The following THRB variants were observed in gnomAD, a reference collection of about 807,000 sequenced individuals.
The protein encoded by THRB is nuclear receptor subfamily 1 group A member 2.
Under a neutral mutation model 47.8 loss-of-function variants are expected in THRB, and 12 were observed. The observed-to-expected ratio is 0.25, with a 90% CI of 0.16 to 0.41. THRB has a LOEUF of 0.41. Among genes scored for constraint, THRB ranks in the 10% least tolerant of loss-of-function variants. THRB has a pLI of 1.00. For synonymous variants in THRB, 218 were observed against 212.2 expected (o/e 1.03, Z -0.24); for missense variants, 348 against 589.2 (o/e 0.59, Z 4.24).
chr3:24,257,610 AT>A (rs1349662384), intron 3 of THRB, among the ~76,000 whole-genome samples: 4 of 152,190 alleles, frequency 2.6e-5, no homozygotes, highest in African/African-American at 4.8e-5. Flanking sequence ...GCCAAATAGT[AT>A]TTTTTGCAAT....
intron 3 of THRB, among the ~76,000 whole-genome samples, chr3:24,242,259 C>A (rs1182292925): frequency 6.6e-6 from 1 of 152,290 alleles, no homozygotes; most frequent in East Asian, 1.9e-4. Context: ...ATGTCTGTTT[C>A]CTGCTGGGAG....
intron 3 of THRB, among the ~76,000 whole-genome samples, chr3:24,237,550 C>T (rs2048997007): frequency 6.6e-6 from 1 of 152,150 alleles, no homozygotes; most frequent in South Asian, 2.1e-4. Flanking sequence ...CCTTCCTCTT[C>T]CCCTCTCCTT....
At chr3:24,141,995 G>A (rs1349332749) in intron 8 of THRB, among the ~76,000 whole-genome samples, 2 of 152,206 alleles carry the variant, frequency 1.3e-5, no homozygotes, top group South Asian at 2.1e-4. Flanking sequence ...ATATACCAGG[G>A]TGGGGTGAAG....
chr3:24,183,368 C>CTTTTTTT (rs1193344905), intron 5 of THRB, among the ~76,000 whole-genome samples: 19 of 84,234 alleles, frequency 2.3e-4, no homozygotes, highest in African/African-American at 7.5e-4. Flanking sequence ...TTTTTCTTTT[C>CTTTTTTT]TTTTTTTTTT....
chr3:24,411,969 C>T (rs1011895291), intron 1 of THRB, among the ~76,000 whole-genome samples: 9 of 151,670 alleles, frequency 5.9e-5, no homozygotes, highest in Non-Finnish European at 1.3e-4. Flanking sequence ...TGTGTCAAAT[C>T]AAGTTTTCAG....
At chr3:24,284,191 C>T (rs1576542176) in intron 3 of THRB, among the ~76,000 whole-genome samples, 1 of 150,162 alleles carries the variant, frequency 6.7e-6, no homozygotes, top group South Asian at 2.1e-4. Flanking sequence ...TACTACAAGG[C>T]TACAGTAACC....
chr3:24,308,953 A>T (rs1390186032), intron 2 of THRB, among the ~76,000 whole-genome samples: 1 of 152,130 alleles, frequency 6.6e-6, no homozygotes, highest in Non-Finnish European at 1.5e-5. Context: ...TTAAACTGCC[A>T]TACCCATGCT....
chr3:24,135,847 A>ATATATATATAAATT lies in THRB; in HGVS notation c.739-2386_739-2385insAATTTATATATATA, dbSNP rs371175625. Among the ~76,000 whole-genome samples the ATATATATATAAATT allele has an allele frequency of 2.6e-3, 338 of 130,956 alleles. 1 individual carries two copies. The highest frequency in any genetic ancestry group is 6.4e-3 in the South Asian group (27 of 4,238). The allele number at this position is 130,956 out of a possible 152,430, so 85.9% of individuals were successfully genotyped here. On this transcript the variant is annotated intron_variant, in intron 8 of 10. Coordinates refer to ENST00000646209, the MANE Select transcript of THRB (RefSeq NM_001354712.2). ...TATATATATATATATATATATATAT[A>ATATATATATAAATT]ATACATAAATATATATTAATTACAT...
Position 24,146,752 on chromosome 3 carries a change from A to G in THRB, c.455T>C (p.Val152Ala). 6.2e-7 allele frequency: 1 copy of G among 1,614,036 alleles called. No individual in the cohort carries two copies. The highest frequency in any genetic ancestry group is 1.1e-5 in the South Asian group (1 of 91,082). Residue 152 changes from valine (V) to alanine (A), a missense_variant, in exon 7 of 11, where the codon GTC becomes GCC. Val to Ala is a moderately conservative substitution (Grantham distance 64). Transcript: ENST00000646209. ...CTGATTTCGCGTGACTTTGTCTATG[A>G]CACATTTTCCTTCATATTTACAGGA... The part of the protein sequence containing the change: ...SYSCKYEGKC[V>A]IDKVTRNQCQ...
chr3:24,223,252 A>C (rs1289015529), intron 4 of THRB, among the ~76,000 whole-genome samples: 1 of 151,634 alleles, frequency 6.6e-6, no homozygotes. Context: ...TAACAATGCA[A>C]GTGTTAAAGG....
At chr3:24,237,975 A>C (rs989980693) in intron 3 of THRB, 2 of 152,156 alleles carry the variant, frequency 1.3e-5, no homozygotes, top group Non-Finnish European at 2.9e-5. Context: ...GCCAGTAAAA[A>C]TTTTATGAGA....
At chr3:24,272,568 C>G (rs909723213) in intron 3 of THRB, among the ~76,000 whole-genome samples, 2 of 152,158 alleles carry the variant, frequency 1.3e-5, no homozygotes, top group East Asian at 1.9e-4. Context: ...TACTACCTTA[C>G]CCTTATTTGG....
At chr3:24,157,892 A>G (rs576135733) in intron 5 of THRB, among the ~76,000 whole-genome samples, 1 of 152,202 alleles carries the variant, frequency 6.6e-6, no homozygotes, top group Non-Finnish European at 1.5e-5. Flanking sequence ...AGAAGTACCT[A>G]GTGAAATGTT....
At chr3:24,145,111 G>A (rs2035922617) in intron 7 of THRB, among the ~76,000 whole-genome samples, 1 of 151,428 alleles carries the variant, frequency 6.6e-6, no homozygotes, top group African/African-American at 2.4e-5. Context: ...AGGGAAAGGA[G>A]GAATGGTAAT....
At chr3:24,156,895 C>T (rs901295421) in intron 5 of THRB, among the ~76,000 whole-genome samples, 1 of 152,152 alleles carries the variant, frequency 6.6e-6, no homozygotes, top group African/African-American at 2.4e-5. Flanking sequence ...AAGGGTTATC[C>T]TTTAGCCTTT....
At chr3:24,472,178 G>T (rs1242089196) in intron 1 of THRB, among the ~76,000 whole-genome samples, 1 of 152,110 alleles carries the variant, frequency 6.6e-6, no homozygotes, top group African/African-American at 2.4e-5. Context: ...CATATTTATA[G>T]TCCAGTCTGT....
intron 1 of THRB, among the ~76,000 whole-genome samples, chr3:24,470,799 T>C (rs1465344296): frequency 6.6e-6 from 1 of 152,142 alleles, no homozygotes; most frequent in African/African-American, 2.4e-5. Flanking sequence ...GTATTTTTAG[T>C]AGAGAGGGGG....
intron 3 of THRB, among the ~76,000 whole-genome samples, chr3:24,280,919 A>C (rs1223538349): frequency 1.3e-5 from 2 of 152,190 alleles, no homozygotes; most frequent in Admixed American, 6.5e-5. Flanking sequence ...CAAAGCCTCC[A>C]AGAAATATGG....
intron 2 of THRB, among the ~76,000 whole-genome samples, chr3:24,323,396 T>C (rs994678513): frequency 2.6e-5 from 4 of 152,342 alleles, no homozygotes; most frequent in Non-Finnish European, 4.4e-5. Flanking sequence ...TACATCTAGC[T>C]ATGTGGAGTG....
Sources: allele counts gnomAD v4.1 joint callset (sites outside exome capture counted in the v4.1 genomes callset), GRCh38; gene constraint gnomAD v4.1.1; transcripts MANE v1.5; gene names NCBI Gene and HGNC (gene_info 2026-07-23, HGNC 2026-07-21).